DIP2C: variants seen among roughly 807,000 people sequenced by gnomAD.
DIP2C encodes the protein DIP2 acetate--CoA ligase C (putative).
A neutral mutation model predicts 192.4 loss-of-function variants in DIP2C; 33 were observed. That is an observed-to-expected ratio of 0.17 (90% CI 0.13 to 0.23). The LOEUF (loss-of-function observed/expected upper bound fraction) is 0.23. Ranked by LOEUF, DIP2C falls within the 10% of genes least tolerant of loss-of-function variation. The probability of loss-of-function intolerance (pLI) is 1.00; values close to 1 mark genes in which losing one functional copy is unlikely to be tolerated. For missense variants in DIP2C, 1,537 were observed against 2,110.1 expected (o/e 0.73, Z 5.32); for synonymous variants, 979 against 864.1 (o/e 1.13, Z -2.33).
At chr10:638,326 T>C (rs1854947895) in intron 1 of DIP2C, among the ~76,000 whole-genome samples, 1 of 152,180 alleles carries the variant, frequency 6.6e-6, no homozygotes, top group African/African-American at 2.4e-5. Flanking sequence ...TTTTTAAAAT[T>C]TATGAAAAGA....
chr10:405,234 G>A (rs1410720490), intron 9 of DIP2C, among the ~76,000 whole-genome samples: 1 of 152,220 alleles, frequency 6.6e-6, no homozygotes, highest in East Asian at 1.9e-4. Flanking sequence ...GAAGCACCTC[G>A]TGTCTGCCTC....
At position 689,159 on chromosome 10, in the gene DIP2C, G is replaced by A. The variant is rs936824709; in HGVS notation, c.85+335C>T. ...CCCCACAGACACCCCCAGGGCGCGG[G>A]GGGATCGCGGCCCCACAAACATCCC... is the stretch of plus-strand genomic sequence containing the variant. On this transcript the variant is annotated intron_variant, in intron 1 of 36. Transcript: ENST00000280886. This position sits in a 1 kb window ranked among gnomAD's most constrained non-coding sequence, Gnocchi z 6.1. Among the ~76,000 whole-genome samples, 2 of 151,880 alleles carry A rather than the reference G, an allele frequency of 1.3e-5. No homozygotes were observed. The highest frequency in any genetic ancestry group is 2.9e-5 in the Non-Finnish European group (2 of 67,920).
At chr10:555,246 G>GT (rs913140388) in intron 1 of DIP2C, among the ~76,000 whole-genome samples, 1 of 151,842 alleles carries the variant, frequency 6.6e-6, no homozygotes, top group Non-Finnish European at 1.5e-5. Context: ...CCATGAGGAG[G>GT]TTCACGGGCT....
chr10:341,366 T>C, intron 28 of DIP2C, 37 bp from the exon 29 acceptor site: 3 of 1,611,364 alleles, frequency 1.9e-6, no homozygotes, highest in African/African-American at 1.3e-5. Context: ...GCATCGGACC[T>C]GACACCCTCA....
Position 564,505 on chromosome 10 carries a change from G to A in DIP2C, c.86-77975C>T, listed in dbSNP as rs149722277. Among the ~76,000 whole-genome samples, 450 of 152,326 alleles carry A rather than the reference G, an allele frequency of 3.0e-3. 2 individuals are homozygous for A. The highest frequency in any genetic ancestry group is 9.7e-3 in the African/African-American group (404 of 41,566). On this transcript the variant is annotated intron_variant, in intron 1 of 36. Transcript: ENST00000280886. ...AGTACCTGTTATTCCATCTTGGCCAGTAGCTGAGGGCCAAGCGCAGCAGAG... is the reference window on the plus strand; with the variant it reads ...AGTACCTGTTATTCCATCTTGGCCAATAGCTGAGGGCCAAGCGCAGCAGAG...
At chr10:664,188 C>T (rs548025311) in intron 1 of DIP2C, 3 of 151,652 alleles carry the variant, frequency 2.0e-5, no homozygotes, top group Non-Finnish European at 2.9e-5. Flanking sequence ...CCAGTGTTTT[C>T]AACGTTGCTC....
At chr10:660,834 C>T (rs1324134178) in intron 1 of DIP2C, among the ~76,000 whole-genome samples, 1 of 152,128 alleles carries the variant, frequency 6.6e-6, no homozygotes, top group African/African-American at 2.4e-5. Flanking sequence ...AAACATAACC[C>T]ATGAAGCGTG....
chr10:357,590 A>G (rs1033531535), intron 23 of DIP2C, among the ~76,000 whole-genome samples: 2 of 152,208 alleles, frequency 1.3e-5, no homozygotes, highest in Admixed American at 1.3e-4. Context: ...GGTCTCTTGC[A>G]GGAGAGGACA....
chr10:506,434 G>T lies in DIP2C; in HGVS notation c.86-19904C>A, dbSNP rs924445473. Among the ~76,000 whole-genome samples the T allele has an allele frequency of 2.0e-5, 3 of 152,272 alleles. No individual in the cohort carries two copies. In the South Asian group the frequency reaches 6.2e-4, roughly 32 times the overall value. On this transcript the variant is annotated intron_variant, in intron 1 of 36. Transcript: ENST00000280886. Reference sequence around the variant, plus strand: ...AAATCTCAGTGTGTGTAGCCCTGGGGTCTGAGGCTTTCAACTGTCCATGTG... The same window carrying T: ...AAATCTCAGTGTGTGTAGCCCTGGGTTCTGAGGCTTTCAACTGTCCATGTG...
chr10:450,228 T>C (rs984745276), intron 3 of DIP2C, among the ~76,000 whole-genome samples: 6 of 151,996 alleles, frequency 3.9e-5, no homozygotes, highest in Admixed American at 3.9e-4. Flanking sequence ...TTCCACAGAT[T>C]TAACATGTTT....
chr10:329,629 CGGGAG>C (rs1564564638), intron 29 of DIP2C, 28 bp from the exon 30 acceptor site: 18 of 1,602,900 alleles, frequency 1.1e-5, no homozygotes, highest in Non-Finnish European at 1.5e-5. Context: ...GCTGTCAGGG[CGGGAG>C]CTCAGCAAGG....
rs76191110 is a variant in DIP2C at position 409,699 on chromosome 10, G to A, written c.1058-682C>T. On this transcript the variant is annotated intron_variant, in intron 8 of 36. Transcript: ENST00000280886. ...CTCACGTGAATGTGAGCAACACAGAGCAGAAAACTGCCTCGAGAGGCTCCA... is the reference window on the plus strand; with the variant it reads ...CTCACGTGAATGTGAGCAACACAGAACAGAAAACTGCCTCGAGAGGCTCCA... Among the ~76,000 whole-genome samples, 177 of 152,334 alleles carry A rather than the reference G, an allele frequency of 1.2e-3. 2 individuals are homozygous for A. The East Asian group carries it at 0.03, about 25-fold the overall frequency.
chr10:537,406 C>T (rs1261822705), intron 1 of DIP2C, among the ~76,000 whole-genome samples: 1 of 152,192 alleles, frequency 6.6e-6, no homozygotes, highest in Non-Finnish European at 1.5e-5. Flanking sequence ...ATAAGGATCA[C>T]CCTGGCGCAG....
rs111684842 is a variant in DIP2C, at chr10:425,026, G to A, written c.395-1993C>T. ...TGACCAGCGGTGACTAATACGACAC[G>A]GATGATACAGCATGACCAGCGGTGA... On this transcript the variant is annotated intron_variant, in intron 4 of 36. Coordinates refer to ENST00000280886, the MANE Select transcript of DIP2C (RefSeq NM_014974.3). Among the ~76,000 whole-genome samples, 81 of 131,662 alleles carry A rather than the reference G, an allele frequency of 6.2e-4. 2 individuals carry two copies. In the East Asian group the frequency reaches 8.6e-3, roughly 14 times the overall value. The allele number at this position is 131,662 out of a possible 152,430, so 86.4% of individuals were successfully genotyped here.
chr10:529,057 C>G (rs1847226872), intron 1 of DIP2C, among the ~76,000 whole-genome samples: 1 of 152,178 alleles, frequency 6.6e-6, no homozygotes, highest in Admixed American at 6.5e-5. Context: ...GCCGGCATCT[C>G]CCTAGAACCT....
chr10:542,005 C>T (rs893681777), intron 1 of DIP2C, among the ~76,000 whole-genome samples: 2 of 152,350 alleles, frequency 1.3e-5, no homozygotes, highest in East Asian at 1.9e-4. Flanking sequence ...ACTCCCAGTG[C>T]ACACGTTGGT....
chr10:353,255 T>A (rs1010532981), intron 24 of DIP2C, among the ~76,000 whole-genome samples: 2 of 152,072 alleles, frequency 1.3e-5, no homozygotes, highest in Non-Finnish European at 2.9e-5. Context: ...CATTTTAACG[T>A]TTCACATTAA....
At chr10:680,458 TA>T (rs1374110196) in intron 1 of DIP2C, among the ~76,000 whole-genome samples, 1 of 152,196 alleles carries the variant, frequency 6.6e-6, no homozygotes. Context: ...TGGGTAATTT[TA>T]ATCCTGACAC....
rs200206820 is a variant in DIP2C at position 472,599 on chromosome 10, G to A, written c.158-50C>T. The stretch of plus-strand genomic sequence containing the variant: ...GTGAGGTGTGACTGTACTCAGCGGA[G>A]TCAGCAGACTCTAACAAATCATGCC... On this transcript the variant is annotated intron_variant, in intron 2 of 36. Coordinates refer to ENST00000280886, the MANE Select transcript of DIP2C (RefSeq NM_014974.3). 1.4e-6 allele frequency: 2 copies of A among 1,467,176 alleles called. 1 individual carries two copies. The highest frequency in any genetic ancestry group is 2.8e-5 in the African/African-American group (2 of 70,914). 90.9% of individuals were successfully genotyped at this position (1,467,176 alleles called of 1,614,324 possible). A position where few individuals can be genotyped will look rare whatever the true frequency, so the allele number is the denominator to read the frequency against.
Sources: gnomAD v4.1 joint callset for allele counts (sites outside exome capture counted in the v4.1 genomes callset) on GRCh38, gnomAD v4.1.1 for gene constraint, Gnocchi (gnomAD v3.1) non-coding constraint, MANE v1.5 for transcripts, NCBI Gene and HGNC (gene_info 2026-07-23, HGNC 2026-07-21) for gene names.